Variants in TNIK observed in about 807,000 individuals in gnomAD.
TNIK encodes the protein TRAF2 and NCK interacting kinase.
TNIK carries 49 observed loss-of-function variants against 191.3 expected under a neutral mutation model. That is an observed-to-expected ratio of 0.26 (90% CI 0.20 to 0.32). The LOEUF (loss-of-function observed/expected upper bound fraction) is 0.32. Ranked by LOEUF, TNIK falls within the 10% of genes least tolerant of loss-of-function variation. The pLI, the probability that TNIK is intolerant of heterozygous loss-of-function variation, is 1.00. For missense variants in TNIK, 1,155 were observed against 1,702.3 expected (o/e 0.68, Z 5.66); for synonymous variants, 594 against 600.9 (o/e 0.99, Z 0.17).
At position 171,157,544 on chromosome 3, in the gene TNIK, C is replaced by T. The variant is rs1444183715; in HGVS notation, c.1137G>A (p.Glu379=). The part of the protein sequence containing the change: ...RRQQLEQQQR[E]NEEHKRQLLA... ...GCAGCTGCCGCTTGTGCTCCTCATT[C>T]TCCCGCTGCTGCTGCTCCAGCTGCT... The change falls in exon 12 of 33, where the codon GAG becomes GAA. Residue 379 remains glutamate (E), a synonymous_variant. Transcript: ENST00000436636. 1 of 1,565,658 alleles carries T rather than the reference C, an allele frequency of 6.4e-7. No homozygotes were observed. Among genetic ancestry groups the T allele is most frequent in the Non-Finnish European group, 8.7e-7 (1 of 1,155,462 alleles).
intron 2 of TNIK, among the ~76,000 whole-genome samples, chr3:171,233,810 C>A (rs937869633): frequency 6.6e-6 from 1 of 152,144 alleles, no homozygotes; most frequent in Non-Finnish European, 1.5e-5. Context: ...TTGAGGGTTG[C>A]GTTTGGGTTC....
At chr3:171,154,301 T>C (rs1266882826) in intron 12 of TNIK, among the ~76,000 whole-genome samples, 1 of 151,792 alleles carries the variant, frequency 6.6e-6, no homozygotes, top group East Asian at 1.9e-4. Flanking sequence ...CCAAAGTGTA[T>C]ATTTTTTGGC....
chr3:171,319,749 C>T (rs961560777), intron 2 of TNIK, among the ~76,000 whole-genome samples: 3 of 152,084 alleles, frequency 2.0e-5, no homozygotes, highest in African/African-American at 4.8e-5. Flanking sequence ...TTTTAAGGTA[C>T]CAGAAATTAA....
chr3:171,241,037 T>A (rs1577221149), intron 2 of TNIK, among the ~76,000 whole-genome samples: 1 of 149,756 alleles, frequency 6.7e-6, no homozygotes, highest in East Asian at 1.9e-4. Context: ...TTTCTTTTCT[T>A]TTTTTTTTTG....
intron 21 of TNIK, chr3:171,101,904 T>A (rs994610830): frequency 4.3e-5 from 11 of 258,332 alleles, no homozygotes; most frequent in Middle Eastern, 1.1e-3. Context: ...TATGTGTATG[T>A]ACACATATAT....
At chr3:171,131,396 A>C (rs2108594458) in intron 15 of TNIK, among the ~76,000 whole-genome samples, 1 of 142,292 alleles carries the variant, frequency 7.0e-6, no homozygotes, top group East Asian at 2.3e-4. Context: ...GGCAGAAACT[A>C]GGGTACTGGT....
chr3:171,228,316 G>A (rs1393410467), intron 2 of TNIK, 95 bp from the exon 3 acceptor site: 2 of 1,279,258 alleles, frequency 1.6e-6, no homozygotes, highest in Non-Finnish European at 2.2e-6. Flanking sequence ...GATCAGTGCT[G>A]TACTATGTCA....
chr3:171,063,887 G>A lies in TNIK; in HGVS notation c.4077C>T (p.Asn1359=), dbSNP rs773329490. 1.9e-6 allele frequency: 3 copies of A among 1,613,654 alleles called. No individual in the cohort carries two copies. Among genetic ancestry groups the A allele is most frequent in the South Asian group, 2.2e-5 (2 of 91,040 alleles). ...FMTLNRNSMM[N]W ...AGTGCCAAGTGCTCTTCTGTTACCA[G>A]TTCATCATGGAATTTCTGTTGAGGG... is the stretch of plus-strand genomic sequence containing the variant. Residue 1359 remains asparagine, a synonymous_variant, in exon 33 of 33, where the codon AAC becomes AAT. Transcript: ENST00000436636.
chr3:171,406,537 C>T (rs998856717), intron 1 of TNIK, among the ~76,000 whole-genome samples: 2 of 152,186 alleles, frequency 1.3e-5, no homozygotes, highest in African/African-American at 2.4e-5. Flanking sequence ...TCAAGCCATC[C>T]TCCTGCCTCA....
At chr3:171,116,860 T>C (rs897640184) in intron 18 of TNIK, among the ~76,000 whole-genome samples, 2 of 152,248 alleles carry the variant, frequency 1.3e-5, no homozygotes, top group African/African-American at 2.4e-5. Context: ...TGAACTTAAC[T>C]GATCACCTTC....
chr3:171,212,774 C>T (rs964225581), intron 3 of TNIK, among the ~76,000 whole-genome samples: 1 of 152,106 alleles, frequency 6.6e-6, no homozygotes, highest in African/African-American at 2.4e-5. Flanking sequence ...GAGCCCAATG[C>T]CCAGAGCAGC....
chr3:171,254,474 G>A (rs1577261636), intron 2 of TNIK, among the ~76,000 whole-genome samples: 1 of 152,152 alleles, frequency 6.6e-6, no homozygotes. Context: ...TATAAACCCA[G>A]ATTTCCTGCC....
At chr3:171,403,698 A>G (rs1293955190) in intron 1 of TNIK, among the ~76,000 whole-genome samples, 1 of 152,206 alleles carries the variant, frequency 6.6e-6, no homozygotes, top group Non-Finnish European at 1.5e-5. Flanking sequence ...TGGAAGCATA[A>G]GAAACTAATA....
chr3:171,119,318 T>C (rs1292216939), intron 18 of TNIK, among the ~76,000 whole-genome samples: 2 of 152,124 alleles, frequency 1.3e-5, no homozygotes, highest in Admixed American at 6.5e-5. Context: ...TGTGGAGAAA[T>C]AGGAACACTT....
At chr3:171,120,791 CAGA>C (rs956763858) in intron 18 of TNIK, among the ~76,000 whole-genome samples, 32 of 152,208 alleles carry the variant, frequency 2.1e-4, no homozygotes, top group Non-Finnish European at 2.5e-4. Context: ...AAGTTTGCCA[CAGA>C]AGAAGAGAGA....
intron 2 of TNIK, among the ~76,000 whole-genome samples, chr3:171,230,559 T>C (rs1448738910): frequency 2.0e-5 from 3 of 152,158 alleles, no homozygotes; most frequent in African/African-American, 7.2e-5. Flanking sequence ...TCTTACTCTG[T>C]GGACCTTGAG....
At chr3:171,196,541 G>T (rs896153765) in intron 4 of TNIK, among the ~76,000 whole-genome samples, 2 of 152,000 alleles carry the variant, frequency 1.3e-5, no homozygotes, top group Non-Finnish European at 2.9e-5. Context: ...TCTAGACCAG[G>T]ATACTAGTCA....
At chr3:171,280,210 T>C (rs1055713219) in intron 2 of TNIK, among the ~76,000 whole-genome samples, 1 of 152,212 alleles carries the variant, frequency 6.6e-6, no homozygotes, top group African/African-American at 2.4e-5. Context: ...TGGCATGGCC[T>C]TAACCCTTGC....
chr3:171,297,973 C>T (rs532237866), intron 2 of TNIK, among the ~76,000 whole-genome samples: 1 of 152,306 alleles, frequency 6.6e-6, no homozygotes, highest in South Asian at 2.1e-4. Flanking sequence ...TTCATTTCCT[C>T]CAAGAAAGGG....
Sources: gnomAD v4.1 joint callset for allele counts (sites outside exome capture counted in the v4.1 genomes callset) on GRCh38, gnomAD v4.1.1 for gene constraint, MANE v1.5 for transcripts, NCBI Gene and HGNC (gene_info 2026-07-23, HGNC 2026-07-21) for gene names.